FAT1: variants seen among roughly 807,000 people sequenced by gnomAD.
The protein encoded by FAT1 is FAT atypical cadherin 1.
Under a neutral mutation model 329.8 loss-of-function variants are expected in FAT1, and 171 were observed. That is an observed-to-expected ratio of 0.52 (90% CI 0.46 to 0.59). The LOEUF (loss-of-function observed/expected upper bound fraction) is 0.59. FAT1 is among the 20% of genes least tolerant of loss of function. FAT1 has a pLI of 0.00. For missense variants in FAT1, 5,672 were observed against 5,774.4 expected (o/e 0.98, Z 0.57); for synonymous variants, 2,233 against 2,228.6 (o/e 1.00, Z -0.06).
At position 186,612,104 on chromosome 4, in the gene FAT1, C is replaced by T. The variant is rs10030346; in HGVS notation, c.9464-329G>A. On this transcript the variant is annotated intron_variant, in intron 13 of 26. Coordinates refer to ENST00000441802, the MANE Select transcript of FAT1 (RefSeq NM_005245.4). The stretch of plus-strand genomic sequence containing the variant: ...GATCCCAGGCGTGAGCCACCGCACC[C>T]GGCCAACGCTTTTTTTTTTTTTTTT... Among the ~76,000 whole-genome samples, 26,015 of 148,756 alleles carry T rather than the reference C, an allele frequency of 0.17. 2,400 individuals carry two copies. The highest frequency in any genetic ancestry group is 0.39 in the East Asian group (2,001 of 5,066).
chr4:186,665,392 T>C (rs913021118), intron 2 of FAT1, among the ~76,000 whole-genome samples: 18 of 152,304 alleles, frequency 1.2e-4, no homozygotes, highest in African/African-American at 4.3e-4. Flanking sequence ...CCATTCTAAC[T>C]GGTGTGAGAT....
Position 186,598,025 on chromosome 4 carries a change from A to C in FAT1, c.12204T>G (p.Val4068=), listed in dbSNP as rs746415591. The part of the protein sequence containing the change: ...SKPCLYGGTC[V]VDNGGFVCQC... ...GGCAAACAAAGCCTCCGTTGTCGAC[A>C]ACACACGTGCCCCCATAGAGGCATG... Residue 4068 remains valine, a synonymous_variant, in exon 23 of 27, where the codon GTT becomes GTG. Coordinates refer to ENST00000441802, the MANE Select transcript of FAT1 (RefSeq NM_005245.4). 3.1e-6 allele frequency: 5 copies of C among 1,613,918 alleles called. No homozygotes were observed. Among genetic ancestry groups the C allele is most frequent in the Non-Finnish European group, 4.2e-6 (5 of 1,179,890 alleles).
chr4:186,645,397 ATATATATATATATATATATATATAT>A (rs753546298), intron 3 of FAT1, among the ~76,000 whole-genome samples: 3,400 of 106,978 alleles, frequency 0.032, 137 homozygotes, highest in Middle Eastern at 0.094. Context: ...ATATATATAT[ATATATATATATATATATATATATAT>A]GCCTGTAAAA....
intron 9 of FAT1, among the ~76,000 whole-genome samples, chr4:186,624,989 T>C (rs72716267): frequency 0.22 from 33,483 of 152,176 alleles, 4,606 homozygotes; most frequent in Non-Finnish European, 0.31. Context: ...CCTAATTCTA[T>C]GCCAGAATAG....
intron 3 of FAT1, among the ~76,000 whole-genome samples, chr4:186,643,548 TC>T (rs577880530): frequency 5.5e-4 from 84 of 152,222 alleles, no homozygotes; most frequent in African/African-American, 1.9e-3. Context: ...AATTAGGGCT[TC>T]CTGTGGGATT....
rs1314221218 is a variant in FAT1 at position 186,628,147 on chromosome 4, A to G, written c.4810+7T>C. The G allele has an allele frequency of 1.9e-6, 3 of 1,613,002 alleles. No homozygotes were observed. The highest frequency in any genetic ancestry group is 2.5e-6 in the Non-Finnish European group (3 of 1,179,464). On this transcript the variant is annotated splice_region_variant and intron_variant, in intron 9 of 26. Transcript: ENST00000441802. ...ATTTAAAATGCCACTGAAGGCTCCA[A>G]AAGTACCTGACTCGATCGAGTACAG...
At chr4:186,695,658 C>T (rs934661579) in intron 2 of FAT1, among the ~76,000 whole-genome samples, 3 of 151,988 alleles carry the variant, frequency 2.0e-5, no homozygotes, top group Non-Finnish European at 2.9e-5. Flanking sequence ...GATACAGACA[C>T]GGACAGAGTC....
intron 2 of FAT1, among the ~76,000 whole-genome samples, chr4:186,692,537 C>T (rs914125021): frequency 6.6e-6 from 1 of 152,080 alleles, no homozygotes; most frequent in African/African-American, 2.4e-5. Flanking sequence ...TGGTCTCGAT[C>T]TCCTGACCTC....
chr4:186,670,746 C>A (rs1000350051), intron 2 of FAT1, among the ~76,000 whole-genome samples: 1 of 151,962 alleles, frequency 6.6e-6, no homozygotes, highest in African/African-American at 2.4e-5. Context: ...AAGGCCGGGT[C>A]AATAGTGAGT....
At chr4:186,640,953 C>T (rs1741063378) in intron 3 of FAT1, among the ~76,000 whole-genome samples, 1 of 152,140 alleles carries the variant, frequency 6.6e-6, no homozygotes, top group Non-Finnish European at 1.5e-5. Context: ...CGTTCTCCTC[C>T]CAGTGCTGCG....
Position 186,628,150 on chromosome 4 carries a change from G to A in FAT1, c.4810+4C>T, listed in dbSNP as rs770513074. On this transcript the variant is annotated splice_donor_region_variant and intron_variant, in intron 9 of 26. Coordinates refer to ENST00000441802, the MANE Select transcript of FAT1 (RefSeq NM_005245.4). ...TAAAATGCCACTGAAGGCTCCAAAA[G>A]TACCTGACTCGATCGAGTACAGCAC... is the stretch of plus-strand genomic sequence containing the variant. 8 of 1,613,166 alleles carry A rather than the reference G, an allele frequency of 5.0e-6. No individual in the cohort carries two copies. The highest frequency in any genetic ancestry group is 6.8e-6 in the Non-Finnish European group (8 of 1,179,574).
chr4:186,695,318 G>A (rs1236490173), intron 2 of FAT1, among the ~76,000 whole-genome samples: 1 of 152,178 alleles, frequency 6.6e-6, no homozygotes, highest in Non-Finnish European at 1.5e-5. Flanking sequence ...TCACCTGGAA[G>A]GCCAGCCTCA....
At chr4:186,663,270 A>G (rs373645915) in intron 3 of FAT1, 29 bp downstream of exon 3, 652 of 1,528,022 alleles carry the variant, frequency 4.3e-4, no homozygotes, top group Non-Finnish European at 5.5e-4. Context: ...ATAAGCATAA[A>G]CATTTCCTAT....
Position 186,603,720 on chromosome 4 carries a change from G to A in FAT1, c.10806C>T (p.His3602=). 2.5e-6 allele frequency: 4 copies of A among 1,613,972 alleles called. No individual in the cohort carries two copies. The highest frequency in any genetic ancestry group is 3.4e-6 in the Non-Finnish European group (4 of 1,179,900). ...VSSTGGKLIA[H]KKLDIGQYLL... ...GGTATTGCCCTATGTCTAGCTTTTT[G>A]TGTGCTATCAGCTTGCCCCCTGTGC... Residue 3602 remains histidine (H), a synonymous_variant, in exon 19 of 27, where the codon CAC becomes CAT. Coordinates refer to ENST00000441802, the MANE Select transcript of FAT1 (RefSeq NM_005245.4).
intron 26 of FAT1, among the ~76,000 whole-genome samples, chr4:186,595,364 C>T (rs138170813): frequency 3.3e-5 from 5 of 151,618 alleles, no homozygotes; most frequent in South Asian, 2.1e-4. Flanking sequence ...AAGAAAGTTG[C>T]GAGGAAGATT....
rs2126562415 is a variant in FAT1 at position 186,636,576 on chromosome 4, T to C, written c.3972+9A>G. 1 of 1,595,698 alleles carries C rather than the reference T, an allele frequency of 6.3e-7. No homozygotes were observed. Among genetic ancestry groups the C allele is most frequent in the Non-Finnish European group, 8.5e-7 (1 of 1,171,558 alleles). ...TATGAAAAATTACAGTACTACAATC[T>C]TAACTCACTGAAAGAATATCATATT... On this transcript the variant is annotated intron_variant, in intron 5 of 26. Transcript: ENST00000441802.
Position 186,601,282 on chromosome 4 carries a change from T to C in FAT1, c.11627A>G (p.Tyr3876Cys), listed in dbSNP as rs753570968. ...GGAGAAACATACCTCCAAGATGCTATAGTCAGTTCCTCGAGCATACATGAC... is the reference window on the plus strand; with the variant it reads ...GGAGAAACATACCTCCAAGATGCTACAGTCAGTTCCTCGAGCATACATGAC... Reference protein sequence around the residue: ...AVVMYARGTDYSILEIHHGRL... With the variant: ...AVVMYARGTDCSILEIHHGRL... The change falls in exon 21 of 27, where the codon TAT becomes TGT. Residue 3876 changes from tyrosine (Y) to cysteine (C), a missense_variant. Tyr to Cys is a radical substitution (Grantham distance 194). Around this residue, in one of 2 missense-constraint regions of FAT1, gnomAD observed 1,706 missense variants for 1,859.1 expected, o/e 0.92. Transcript: ENST00000441802. 8 of 1,596,420 alleles carry C rather than the reference T, an allele frequency of 5.0e-6. No individual in the cohort carries two copies. Among genetic ancestry groups the C allele is most frequent in the Non-Finnish European group, 6.9e-6 (8 of 1,166,280 alleles).
At chr4:186,604,014 G>A (rs2126436485) in intron 18 of FAT1, 37 bp from the exon 19 acceptor site, 1 of 1,495,838 alleles carries the variant, frequency 6.7e-7, no homozygotes, top group African/African-American at 1.4e-5. Flanking sequence ...CTTTGTCTAT[G>A]GCACTGTTTA....
Position 186,636,657 on chromosome 4 carries a change from A to T in FAT1, c.3900T>A (p.Phe1300Leu), listed in dbSNP as rs2126563075. The T allele has an allele frequency of 6.2e-7, 1 of 1,613,922 alleles. No individual in the cohort carries two copies. Among genetic ancestry groups the T allele is most frequent in the Non-Finnish European group, 8.5e-7 (1 of 1,179,872 alleles). ...CCACTCCAGTTTTCGGTTCGATGAA[A>T]AATTTGCCATGCTCATTCCCGTCTT... ...SIEDGNEHGK[F>L]FIEPKTGVVS... The change falls in exon 5 of 27, where the codon TTT becomes TTA. Residue 1300 changes from phenylalanine (F) to leucine (L), a missense_variant. Physicochemically the swap from Phe to Leu is conservative, Grantham distance 22 (BLOSUM62 0). This residue lies in a region of FAT1 where 3,966 missense variants were observed against 3,915.2 expected (regional missense o/e 1.01). Transcript: ENST00000441802.
Sources: gnomAD v4.1 joint callset for allele counts (sites outside exome capture counted in the v4.1 genomes callset) on GRCh38, gnomAD v4.1.1 for gene constraint, gnomAD v4.1.1 regional missense constraint, MANE v1.5 for transcripts, NCBI Gene and HGNC (gene_info 2026-07-23, HGNC 2026-07-21) for gene names.